The following KCTD8 variants were observed in gnomAD, a reference collection of about 807,000 sequenced individuals.
KCTD8 encodes potassium channel tetramerization domain containing 8.
A neutral mutation model predicts 31.5 loss-of-function variants in KCTD8; 27 were observed. The observed-to-expected ratio is 0.86, with a 90% CI of 0.63 to 1.18. KCTD8 has a LOEUF of 1.18. Among genes scored for constraint, KCTD8 ranks in the 50% most tolerant of loss-of-function variants. The pLI, the probability that KCTD8 is intolerant of heterozygous loss-of-function variation, is 0.00. For missense variants in KCTD8, 658 were observed against 647.7 expected (o/e 1.02, Z -0.17); for synonymous variants, 290 against 280.0 (o/e 1.04, Z -0.36).
chr4:44,203,400 G>A lies in KCTD8; in HGVS notation c.962-28150C>T, dbSNP rs113132908. On this transcript the variant is annotated intron_variant, in intron 1 of 1. Coordinates refer to ENST00000360029, the MANE Select transcript of KCTD8 (RefSeq NM_198353.3). ...CGCTTGTAATCCCAGCTACCTGGGA[G>A]AACTGCTTGAACCCAGGAAGCGGAG... Among the ~76,000 whole-genome samples the A allele has an allele frequency of 9.0e-3, 1,342 of 148,318 alleles. 18 individuals carry two copies. Among genetic ancestry groups the A allele is most frequent in the African/African-American group, 0.031 (1,255 of 40,298 alleles).
rs910351549 is a variant in KCTD8, at chr4:44,429,075, G to A, written c.961+18488C>T. On this transcript the variant is annotated intron_variant, in intron 1 of 1. Coordinates refer to ENST00000360029, the MANE Select transcript of KCTD8 (RefSeq NM_198353.3). Reference sequence around the variant, plus strand: ...AGAAGGGAGACAGAGAAGAACTAAAGTAACTCCAGTATCTAAATGGTAGGT... The same window carrying A: ...AGAAGGGAGACAGAGAAGAACTAAAATAACTCCAGTATCTAAATGGTAGGT... Among the ~76,000 whole-genome samples the A allele has an allele frequency of 3.3e-5, 5 of 151,750 alleles. No individual in the cohort carries two copies. In the East Asian group the frequency reaches 9.7e-4, roughly 30 times the overall value.
intron 1 of KCTD8, among the ~76,000 whole-genome samples, chr4:44,350,593 C>T (rs1243717536): frequency 1.3e-5 from 2 of 152,106 alleles, no homozygotes; most frequent in African/African-American, 4.8e-5. Context: ...AAGCTAACAA[C>T]TCCAAAAATT....
intron 1 of KCTD8, among the ~76,000 whole-genome samples, chr4:44,193,282 G>A (rs1157426172): frequency 6.6e-6 from 1 of 152,006 alleles, no homozygotes; most frequent in Non-Finnish European, 1.5e-5. Flanking sequence ...TAAAGTAGAG[G>A]CCTCTCATGT....
intron 1 of KCTD8, among the ~76,000 whole-genome samples, chr4:44,313,238 T>C (rs544147856): frequency 6.6e-6 from 1 of 152,332 alleles, no homozygotes; most frequent in African/African-American, 2.4e-5. Context: ...CTTCTGCTCA[T>C]CAGTGGCATC....
chr4:44,432,052 C>T (rs1354968116), intron 1 of KCTD8, among the ~76,000 whole-genome samples: 2 of 151,494 alleles, frequency 1.3e-5, no homozygotes, highest in Admixed American at 6.6e-5. Context: ...GTTAAAATGT[C>T]TTTATGTCCT....
chr4:44,371,627 G>A (rs1047551897), intron 1 of KCTD8, among the ~76,000 whole-genome samples: 5 of 152,144 alleles, frequency 3.3e-5, no homozygotes, highest in African/African-American at 1.2e-4. Flanking sequence ...ACATATATAT[G>A]ATCTCAATCC....
At chr4:44,216,908 A>G (rs1280595419) in intron 1 of KCTD8, among the ~76,000 whole-genome samples, 1 of 152,122 alleles carries the variant, frequency 6.6e-6, no homozygotes, top group African/African-American at 2.4e-5. Flanking sequence ...TTTTTTGTCA[A>G]AGGAGATGCA....
At chr4:44,396,956 AG>A (rs1169461515) in intron 1 of KCTD8, among the ~76,000 whole-genome samples, 2 of 152,156 alleles carry the variant, frequency 1.3e-5, no homozygotes, top group African/African-American at 4.8e-5. Context: ...TCCAAAAATA[AG>A]TATCACACTC....
intron 1 of KCTD8, among the ~76,000 whole-genome samples, chr4:44,304,851 G>A (rs1717753314): frequency 6.6e-6 from 1 of 151,972 alleles, no homozygotes; most frequent in Non-Finnish European, 1.5e-5. Flanking sequence ...GGCAGGGCAT[G>A]GTGGTGCCTG....
chr4:44,440,283 G>A (rs1577673248), intron 1 of KCTD8, among the ~76,000 whole-genome samples: 1 of 152,200 alleles, frequency 6.6e-6, no homozygotes, highest in East Asian at 1.9e-4. Context: ...CTTTATGTGT[G>A]TGTTTCCAAA....
chr4:44,225,532 T>C (rs1179259182), intron 1 of KCTD8, among the ~76,000 whole-genome samples: 1 of 152,208 alleles, frequency 6.6e-6, no homozygotes, highest in Non-Finnish European at 1.5e-5. Context: ...GTACTTATCA[T>C]ATTGGATTTT....
At chr4:44,378,554 T>A (rs1719977841) in intron 1 of KCTD8, among the ~76,000 whole-genome samples, 1 of 152,100 alleles carries the variant, frequency 6.6e-6, no homozygotes, top group African/African-American at 2.4e-5. Context: ...TATGGTGGAA[T>A]GATTCTATTA....
chr4:44,187,741 C>T (rs1294114835), intron 1 of KCTD8, among the ~76,000 whole-genome samples: 1 of 152,076 alleles, frequency 6.6e-6, no homozygotes, highest in African/African-American at 2.4e-5. Context: ...GTTGTCTCTA[C>T]AACATGTCTG....
At chr4:44,178,937 A>G (rs1362676283) in intron 1 of KCTD8, among the ~76,000 whole-genome samples, 1 of 152,218 alleles carries the variant, frequency 6.6e-6, no homozygotes. Flanking sequence ...TGTGCCAGAC[A>G]TAGTGCTAGG....
At chr4:44,238,644 A>G (rs1368055932) in intron 1 of KCTD8, among the ~76,000 whole-genome samples, 1 of 152,212 alleles carries the variant, frequency 6.6e-6, no homozygotes, top group Admixed American at 6.5e-5. Flanking sequence ...AACTCAAGAA[A>G]ATATTCCAAA....
intron 1 of KCTD8, among the ~76,000 whole-genome samples, chr4:44,227,551 T>A (rs184830573): frequency 1.8e-3 from 273 of 152,302 alleles, no homozygotes; most frequent in Non-Finnish European, 3.6e-3. Context: ...AGTGACAGAG[T>A]GTATGTAGTT....
intron 1 of KCTD8, among the ~76,000 whole-genome samples, chr4:44,422,143 T>C (rs969437104): frequency 6.6e-6 from 1 of 152,136 alleles, no homozygotes; most frequent in East Asian, 1.9e-4. Context: ...TCTTAGCTTT[T>C]ACATGTACTT....
intron 1 of KCTD8, among the ~76,000 whole-genome samples, chr4:44,205,473 G>C (rs1389110432): frequency 6.6e-6 from 1 of 152,142 alleles, no homozygotes; most frequent in South Asian, 2.1e-4. Context: ...ATATATGCTG[G>C]ATGAAATAAA....
intron 1 of KCTD8, among the ~76,000 whole-genome samples, chr4:44,336,339 T>C (rs1428231094): frequency 6.6e-6 from 1 of 151,450 alleles, no homozygotes; most frequent in Non-Finnish European, 1.5e-5. Flanking sequence ...ATTGGAAAAA[T>C]TAGAAAAAGA....
Sources: allele counts gnomAD v4.1 joint callset (sites outside exome capture counted in the v4.1 genomes callset), GRCh38; gene constraint gnomAD v4.1.1; transcripts MANE v1.5; gene names NCBI Gene and HGNC (gene_info 2026-07-23, HGNC 2026-07-21).